LPP: variants seen among roughly 807,000 people sequenced by gnomAD.
LPP encodes lipoma-preferred partner.
LPP carries 38 observed loss-of-function variants against 60.4 expected under a neutral mutation model. That is an observed-to-expected ratio of 0.63 (90% CI 0.49 to 0.83). LPP has a LOEUF of 0.83. Ranked by LOEUF, LPP falls within the 40% of genes least tolerant of loss-of-function variation. The pLI, the probability that LPP is intolerant of heterozygous loss-of-function variation, is 0.00. For synonymous variants in LPP, 328 were observed against 290.8 expected, an observed-to-expected ratio of 1.13 and a Z score of -1.30; for missense variants, 902 against 783.6, an observed-to-expected ratio of 1.15 and a Z score of -1.80.
chr3:188,217,507 A>G lies in LPP; in HGVS notation c.-189-7898A>G, dbSNP rs566966860. ...TGCTGTGGAGGGAACCTGATAGTAAAAGGGAGTCAAGGGTAGAAGCAAGAA... is the reference window on the plus strand; with the variant it reads ...TGCTGTGGAGGGAACCTGATAGTAAGAGGGAGTCAAGGGTAGAAGCAAGAA... On this transcript the variant is annotated intron_variant, in intron 1 of 11. Coordinates refer to ENST00000617246, the MANE Select transcript of LPP (RefSeq NM_001375462.1). The surrounding 1 kb of genome is among the most constrained non-coding windows in gnomAD (Gnocchi z 4.0). 1.3e-5 allele frequency among the ~76,000 whole-genome samples: 2 copies of G among 152,254 alleles called. No homozygotes were observed. Among genetic ancestry groups the G allele is most frequent in the South Asian group, 2.1e-4 (1 of 4,822 alleles).
chr3:188,710,281 A>C (rs1866367717), intron 8 of LPP: 1 of 152,198 alleles, frequency 6.6e-6, no homozygotes, highest in Non-Finnish European at 1.5e-5. Flanking sequence ...GCTTAGCTAA[A>C]AGAGCAAAAA....
intron 4 of LPP, among the ~76,000 whole-genome samples, chr3:188,465,328 C>T (rs1031122974): frequency 6.6e-6 from 1 of 152,044 alleles, no homozygotes; most frequent in Non-Finnish European, 1.5e-5. Context: ...TGAGAAATTC[C>T]GCAATGAGTA....
intron 2 of LPP, among the ~76,000 whole-genome samples, chr3:188,236,826 C>G (rs1391350190): frequency 6.6e-6 from 1 of 152,188 alleles, no homozygotes; most frequent in Non-Finnish European, 1.5e-5. Context: ...TGACTACTGA[C>G]TGATCAGAGT....
At chr3:188,862,719 AT>A (rs376976054) in intron 9 of LPP, among the ~76,000 whole-genome samples, 8,763 of 85,752 alleles carry the variant, frequency 0.1, 709 homozygotes, top group East Asian at 0.29. Flanking sequence ...AGACAAAAAA[AT>A]AAATAAATAA....
At chr3:188,839,359 A>G (rs1332331437) in intron 9 of LPP, among the ~76,000 whole-genome samples, 1 of 152,220 alleles carries the variant, frequency 6.6e-6, no homozygotes, top group African/African-American at 2.4e-5. Flanking sequence ...CAGCTCCATT[A>G]TGATGTCAAC....
intron 9 of LPP, among the ~76,000 whole-genome samples, chr3:188,801,246 G>A (rs1747179475): frequency 6.6e-6 from 1 of 152,112 alleles, no homozygotes; most frequent in Admixed American, 6.5e-5. Context: ...AATTGGAAGA[G>A]CCTTCAGAGA....
chr3:188,781,977 A>T (rs1209906279), intron 9 of LPP, among the ~76,000 whole-genome samples: 1 of 152,076 alleles, frequency 6.6e-6, no homozygotes, highest in African/African-American at 2.4e-5. Context: ...GATTATGGGA[A>T]CTACAATTCA....
chr3:188,221,306 C>A (rs1456282400), intron 1 of LPP, among the ~76,000 whole-genome samples: 1 of 152,190 alleles, frequency 6.6e-6, no homozygotes, highest in Non-Finnish European at 1.5e-5. Context: ...AACTTTTAGA[C>A]CCTCAAAAGG....
At chr3:188,657,276 A>ATATATATATATATATATATATG (rs2149058320) in intron 7 of LPP, among the ~76,000 whole-genome samples, 2 of 144,496 alleles carry the variant, frequency 1.4e-5, no homozygotes, top group South Asian at 4.4e-4. Context: ...ATATATATAT[A>ATATATATATATATATATATATG]TATATTTCCA....
intron 2 of LPP, among the ~76,000 whole-genome samples, chr3:188,303,634 A>C (rs114578212): frequency 0.016 from 2,452 of 152,244 alleles, 61 homozygotes; most frequent in African/African-American, 0.056. Flanking sequence ...GGAGAAGCAC[A>C]CTGCAGGTAG....
chr3:188,431,537 A>G (rs1245011687), intron 4 of LPP, among the ~76,000 whole-genome samples: 1 of 152,130 alleles, frequency 6.6e-6, no homozygotes, highest in Non-Finnish European at 1.5e-5. Context: ...TGGTCCATCA[A>G]AAAGGTCTGC....
chr3:188,609,681 A>G lies in LPP; in HGVS notation c.950A>G (p.Tyr317Cys), dbSNP rs770326167. ...YGGRNDSDPT[Y>C]GQQGHPNTWK... ...GGCAGAAATGACTCTGACCCTACCT[A>G]TGGTCAACAAGGTCACCCAAATACC... Residue 317 changes from tyrosine to cysteine, a missense_variant, in exon 7 of 12, where the codon TAT (tyrosine) becomes TGT (cysteine). Physicochemically the swap from Tyr to Cys is radical, Grantham distance 194 (BLOSUM62 -2). Transcript: ENST00000617246. The surrounding 1 kb of genome is among the most constrained non-coding windows in gnomAD (Gnocchi z 6.9). 80 of 1,613,984 alleles carry G rather than the reference A, an allele frequency of 5.0e-5. No homozygotes were observed. The highest frequency in any genetic ancestry group is 5.7e-5 in the Non-Finnish European group (67 of 1,180,006).
Position 188,875,787 on chromosome 3 carries a change from A to C in LPP, c.*1308A>C, listed in dbSNP as rs1769181656. 5.1e-6 allele frequency: 1 copy of C among 197,544 alleles called. No individual in the cohort carries two copies. The highest frequency in any genetic ancestry group is 1.1e-5 in the Non-Finnish European group (1 of 95,130). 12.2% of individuals were successfully genotyped at this position (197,544 alleles called of 1,614,324 possible). A position where few individuals can be genotyped will look rare whatever the true frequency, so the allele number is the denominator to read the frequency against. On this transcript the variant is annotated 3_prime_UTR_variant, in exon 12 of 12. Coordinates refer to ENST00000617246, the MANE Select transcript of LPP (RefSeq NM_001375462.1). ...TTATTCAAACTTTTATTAGCCAGTG[A>C]AACACTTGCTTGCCAACTGCCAAGC... is the stretch of plus-strand genomic sequence containing the variant.
intron 4 of LPP, among the ~76,000 whole-genome samples, chr3:188,431,802 C>T (rs751701771): frequency 2.0e-5 from 3 of 152,154 alleles, no homozygotes; most frequent in Non-Finnish European, 2.9e-5. Flanking sequence ...GATTCAACTA[C>T]AGATATTGCA....
intron 2 of LPP, among the ~76,000 whole-genome samples, chr3:188,338,989 G>T (rs552037315): frequency 1.3e-5 from 2 of 152,038 alleles, no homozygotes; most frequent in Admixed American, 1.3e-4. Flanking sequence ...TTTACCCCCT[G>T]TTATTTTCTT....
At chr3:188,734,843 T>C (rs768308396) in intron 8 of LPP, among the ~76,000 whole-genome samples, 1 of 152,156 alleles carries the variant, frequency 6.6e-6, no homozygotes, top group Non-Finnish European at 1.5e-5. Flanking sequence ...GGAACACTGA[T>C]AGGTTTGGGG....
At chr3:188,709,981 G>A (rs1445260947) in intron 8 of LPP, 1 of 152,252 alleles carries the variant, frequency 6.6e-6, no homozygotes, top group East Asian at 1.9e-4. Context: ...AGGGTGATAA[G>A]CATTTCTTAG....
chr3:188,803,973 T>C (rs1282522660), intron 9 of LPP, among the ~76,000 whole-genome samples: 2 of 151,868 alleles, frequency 1.3e-5, no homozygotes, highest in Non-Finnish European at 2.9e-5. Context: ...GTTAATTTCT[T>C]TAATTATTGT....
At chr3:188,576,720 C>T (rs1394116569) in intron 6 of LPP, among the ~76,000 whole-genome samples, 6 of 152,072 alleles carry the variant, frequency 3.9e-5, no homozygotes, top group Admixed American at 3.9e-4. Context: ...CATATTTTGT[C>T]CAAAATGAGA....
Sources: allele counts gnomAD v4.1 joint callset (sites outside exome capture counted in the v4.1 genomes callset), GRCh38; gene constraint gnomAD v4.1.1; non-coding constraint Gnocchi (gnomAD v3.1); transcripts MANE v1.5; gene names NCBI Gene and HGNC (gene_info 2026-07-23, HGNC 2026-07-21).